The following SEMA5A variants were observed in gnomAD, a reference collection of about 807,000 sequenced individuals.
SEMA5A encodes semaphorin 5A, also known as semaphorin-5A.
SEMA5A carries 55 observed loss-of-function variants against 135.5 expected under a neutral mutation model. That is an observed-to-expected ratio of 0.41 (90% CI 0.33 to 0.51). The LOEUF is 0.51. Ranked by LOEUF, SEMA5A falls within the 20% of genes least tolerant of loss-of-function variation. The probability of loss-of-function intolerance (pLI) is 0.37; values close to 1 mark genes in which losing one functional copy is unlikely to be tolerated. For synonymous variants in SEMA5A, 580 were observed against 546.5 expected, an observed-to-expected ratio of 1.06 and a Z score of -0.85; for missense variants, 1,290 against 1,419.9, an observed-to-expected ratio of 0.91 and a Z score of 1.47.
intron 2 of SEMA5A, among the ~76,000 whole-genome samples, chr5:9,404,733 A>G (rs530329775): frequency 6.6e-6 from 1 of 152,368 alleles, no homozygotes; most frequent in African/African-American, 2.4e-5. Context: ...TGATTAGACT[A>G]ACTTCTGATA....
intron 16 of SEMA5A, among the ~76,000 whole-genome samples, chr5:9,081,908 G>A (rs1738408881): frequency 1.3e-5 from 2 of 152,154 alleles, no homozygotes; most frequent in Non-Finnish European, 2.9e-5. Context: ...TTCCAGGGAA[G>A]AGTTTTTCCT....
At chr5:9,452,687 A>T (rs1312025323) in intron 1 of SEMA5A, among the ~76,000 whole-genome samples, 1 of 152,202 alleles carries the variant, frequency 6.6e-6, no homozygotes, top group Non-Finnish European at 1.5e-5. Flanking sequence ...ATTTTAAAAG[A>T]AAAACTGAGA....
chr5:9,223,744 T>C (rs1301482815), intron 8 of SEMA5A, among the ~76,000 whole-genome samples: 1 of 152,210 alleles, frequency 6.6e-6, no homozygotes, highest in Non-Finnish European at 1.5e-5. Context: ...ATTGTCTTTG[T>C]AGGTGTATGT....
At chr5:9,324,483 T>C (rs919257619) in intron 4 of SEMA5A, among the ~76,000 whole-genome samples, 1 of 152,176 alleles carries the variant, frequency 6.6e-6, no homozygotes, top group Admixed American at 6.6e-5. Flanking sequence ...TTCTCAAATC[T>C]CTTTCCTTGA....
chr5:9,153,411 C>A (rs1400707812), intron 12 of SEMA5A, among the ~76,000 whole-genome samples: 1 of 152,184 alleles, frequency 6.6e-6, no homozygotes, highest in Non-Finnish European at 1.5e-5. Flanking sequence ...CCTGGGCCAA[C>A]ATGTTTCCAA....
intron 13 of SEMA5A, among the ~76,000 whole-genome samples, chr5:9,130,151 C>T (rs919059536): frequency 2.0e-5 from 3 of 152,090 alleles, no homozygotes; most frequent in African/African-American, 7.2e-5. Context: ...TGTTCATGTC[C>T]ATTTCATTAA....
intron 10 of SEMA5A, among the ~76,000 whole-genome samples, chr5:9,196,676 G>T (rs1745403246): frequency 6.6e-6 from 1 of 152,164 alleles, no homozygotes; most frequent in South Asian, 2.1e-4. Flanking sequence ...GATAACAGAT[G>T]AAGGGCCTCC....
intron 10 of SEMA5A, among the ~76,000 whole-genome samples, chr5:9,193,330 A>C (rs1310556670): frequency 6.6e-6 from 1 of 152,270 alleles, no homozygotes; most frequent in Non-Finnish European, 1.5e-5. Flanking sequence ...CAATAAAAAT[A>C]GTAAAAGCAC....
chr5:9,517,426 T>G (rs1180040854), intron 1 of SEMA5A: 1 of 152,178 alleles, frequency 6.6e-6, no homozygotes, highest in Non-Finnish European at 1.5e-5. Context: ...GAAACAGAAA[T>G]GCAGACTCTC....
At chr5:9,395,083 T>C (rs921874953) in intron 2 of SEMA5A, among the ~76,000 whole-genome samples, 32 of 152,208 alleles carry the variant, frequency 2.1e-4, no homozygotes, top group African/African-American at 7.5e-4. Context: ...ATTAATTTGG[T>C]AATTTAAAAT....
chr5:9,522,276 G>A (rs557518508), intron 1 of SEMA5A, among the ~76,000 whole-genome samples: 8 of 152,170 alleles, frequency 5.3e-5, no homozygotes, highest in South Asian at 2.1e-4. Context: ...GACAAAGGGC[G>A]TAATTGCAAA....
intron 16 of SEMA5A, among the ~76,000 whole-genome samples, chr5:9,079,954 G>A (rs150333603): frequency 0.011 from 1,740 of 152,270 alleles, 40 homozygotes; most frequent in African/African-American, 0.04. Context: ...TGGTGGGAAT[G>A]TAAATTAATT....
intron 5 of SEMA5A, among the ~76,000 whole-genome samples, chr5:9,312,469 G>T (rs1278432133): frequency 6.6e-6 from 1 of 151,820 alleles, no homozygotes; most frequent in Admixed American, 6.6e-5. Context: ...TAAATTAAAA[G>T]CAACTCTTGG....
At chr5:9,133,077 G>A (rs1196468174) in intron 13 of SEMA5A, among the ~76,000 whole-genome samples, 3 of 152,150 alleles carry the variant, frequency 2.0e-5, no homozygotes, top group South Asian at 2.1e-4. Flanking sequence ...ATATAAAGCA[G>A]TGGTACACAT....
At chr5:9,226,309 G>C (rs1747308604) in intron 7 of SEMA5A, among the ~76,000 whole-genome samples, 1 of 152,220 alleles carries the variant, frequency 6.6e-6, no homozygotes, top group African/African-American at 2.4e-5. Flanking sequence ...ACCCTGCCAT[G>C]CTACTGCTAT....
intron 2 of SEMA5A, among the ~76,000 whole-genome samples, chr5:9,408,789 G>A (rs976196361): frequency 6.6e-6 from 1 of 152,076 alleles, no homozygotes; most frequent in African/African-American, 2.4e-5. Flanking sequence ...ACTCCAATGT[G>A]TAGCTACTCT....
intron 5 of SEMA5A, among the ~76,000 whole-genome samples, chr5:9,281,112 A>C (rs1195679920): frequency 1.3e-5 from 2 of 152,192 alleles, no homozygotes; most frequent in African/African-American, 4.8e-5. Flanking sequence ...TCAGAATTTC[A>C]TTTCTAATAT....
At chr5:9,046,078 A>C (rs190519243) in intron 21 of SEMA5A, 1 of 152,350 alleles carries the variant, frequency 6.6e-6, no homozygotes, top group Admixed American at 6.5e-5. Context: ...CTGTGTTGTT[A>C]TCTTCCTCTG....
intron 5 of SEMA5A, among the ~76,000 whole-genome samples, chr5:9,264,270 A>G (rs1161622873): frequency 1.3e-5 from 2 of 152,174 alleles, no homozygotes; most frequent in East Asian, 3.9e-4. Flanking sequence ...GAGCTAGAAT[A>G]AAGACAGAAA....
Sources: gnomAD v4.1 joint callset for allele counts (sites outside exome capture counted in the v4.1 genomes callset) on GRCh38, gnomAD v4.1.1 for gene constraint, MANE v1.5 for transcripts, NCBI Gene and HGNC (gene_info 2026-07-23, HGNC 2026-07-21) for gene names.